The following CCBE1 variants were observed in gnomAD, a reference collection of about 807,000 sequenced individuals.
CCBE1 encodes the protein collagen and calcium-binding EGF domain-containing protein 1.
Under a neutral mutation model 50.0 loss-of-function variants are expected in CCBE1, and 37 were observed. That is an observed-to-expected ratio of 0.74 (90% CI 0.57 to 0.97). The LOEUF is 0.97. Ranked by LOEUF, CCBE1 falls within the 50% of genes least tolerant of loss-of-function variation. The pLI is 0.00. For synonymous variants in CCBE1, 234 were observed against 203.7 expected (o/e 1.15, Z -1.27); for missense variants, 538 against 523.8 (o/e 1.03, Z -0.26).
At chr18:59,660,631 T>C (rs148994473) in intron 2 of CCBE1, among the ~76,000 whole-genome samples, 3 of 152,370 alleles carry the variant, frequency 2.0e-5, no homozygotes, top group Admixed American at 6.5e-5. Flanking sequence ...GTGTGCTTTT[T>C]ACTGCTTCCC....
intron 3 of CCBE1, among the ~76,000 whole-genome samples, chr18:59,479,342 A>G (rs1306166061): frequency 6.6e-6 from 1 of 151,902 alleles, no homozygotes; most frequent in Non-Finnish European, 1.5e-5. Flanking sequence ...TTCTCCCCTC[A>G]TTTCTGAGAC....
chr18:59,464,501 G>A (rs4998986), intron 5 of CCBE1, among the ~76,000 whole-genome samples: 49,731 of 152,074 alleles, frequency 0.33, 8,331 homozygotes, highest in East Asian at 0.41. Flanking sequence ...CTGGATGATC[G>A]ACAAGCCCGT....
chr18:59,448,454 C>T (rs1358618738), intron 6 of CCBE1, among the ~76,000 whole-genome samples: 1 of 152,086 alleles, frequency 6.6e-6, no homozygotes, highest in Non-Finnish European at 1.5e-5. Flanking sequence ...TTATTGAACA[C>T]CTACTATGTG....
At chr18:59,474,198 A>G (rs893974505) in intron 3 of CCBE1, among the ~76,000 whole-genome samples, 2 of 152,234 alleles carry the variant, frequency 1.3e-5, no homozygotes, top group Non-Finnish European at 2.9e-5. Flanking sequence ...TGATGAACAT[A>G]GAAATACATG....
chr18:59,579,087 G>T (rs1052094519), intron 2 of CCBE1, among the ~76,000 whole-genome samples: 1 of 152,026 alleles, frequency 6.6e-6, no homozygotes, highest in Non-Finnish European at 1.5e-5. Flanking sequence ...TGAGTTTTGC[G>T]CTCTCAGAAT....
intron 2 of CCBE1, among the ~76,000 whole-genome samples, chr18:59,581,491 C>T (rs1287261682): frequency 6.6e-6 from 1 of 151,218 alleles, no homozygotes; most frequent in African/African-American, 2.4e-5. Context: ...GGAATAGGAG[C>T]TATGCCCAAG....
intron 2 of CCBE1, among the ~76,000 whole-genome samples, chr18:59,582,104 C>A (rs1235253283): frequency 6.6e-6 from 1 of 152,120 alleles, no homozygotes; most frequent in African/African-American, 2.4e-5. Flanking sequence ...TGCCACTGTG[C>A]CTCATAGTAG....
At chr18:59,551,379 T>C (rs1221219862) in intron 2 of CCBE1, among the ~76,000 whole-genome samples, 2 of 152,188 alleles carry the variant, frequency 1.3e-5, no homozygotes, top group Non-Finnish European at 2.9e-5. Flanking sequence ...CGGAAGAATC[T>C]CTGGATGGGT....
intron 2 of CCBE1, among the ~76,000 whole-genome samples, chr18:59,550,707 C>T (rs1397405979): frequency 6.6e-6 from 1 of 152,116 alleles, no homozygotes; most frequent in Non-Finnish European, 1.5e-5. Flanking sequence ...TTTTGGAAAA[C>T]ATTTTCCAAC....
chr18:59,686,380 C>T lies in CCBE1; in HGVS notation c.212+10249G>A, dbSNP rs140311072. Among the ~76,000 whole-genome samples the T allele has an allele frequency of 3.5e-4, 54 of 152,348 alleles. No individual in the cohort carries two copies. The Middle Eastern group carries it at 0.01, about 29-fold the overall frequency. On this transcript the variant is annotated intron_variant, in intron 2 of 10. Coordinates refer to ENST00000439986, the MANE Select transcript of CCBE1 (RefSeq NM_133459.4). ...AAGGTAACCACAATTGTCAGGCCAT[C>T]AAAAGCCCAGTGGTTGAGAAGAACA...
intron 3 of CCBE1, among the ~76,000 whole-genome samples, chr18:59,474,563 T>A (rs1208551644): frequency 6.6e-6 from 1 of 152,188 alleles, no homozygotes; most frequent in African/African-American, 2.4e-5. Context: ...GTGTGAGCAT[T>A]TACCGAAACC....
intron 2 of CCBE1, among the ~76,000 whole-genome samples, chr18:59,682,931 C>G (rs73961295): frequency 1.7e-4 from 26 of 152,202 alleles, no homozygotes; most frequent in South Asian, 6.2e-4. Context: ...TTGTGCCCCC[C>G]CTTCCCTGTA....
chr18:59,496,552 C>T (rs570216109), intron 2 of CCBE1, among the ~76,000 whole-genome samples: 2 of 152,318 alleles, frequency 1.3e-5, no homozygotes, highest in Non-Finnish European at 2.9e-5. Flanking sequence ...TGTGGTGTAA[C>T]CTCAGTCATG....
intron 2 of CCBE1, among the ~76,000 whole-genome samples, chr18:59,522,679 G>GC (rs1399585376): frequency 6.6e-6 from 1 of 152,114 alleles, no homozygotes; most frequent in Admixed American, 6.5e-5. Flanking sequence ...TCTCACAGTA[G>GC]CCCCAGCTGG....
At chr18:59,680,177 C>T (rs1027528131) in intron 2 of CCBE1, among the ~76,000 whole-genome samples, 1 of 151,476 alleles carries the variant, frequency 6.6e-6, no homozygotes, top group Non-Finnish European at 1.5e-5. Flanking sequence ...GCAGAGACTG[C>T]GCCCCTGCAC....
At chr18:59,589,847 T>C (rs2053236424) in intron 2 of CCBE1, among the ~76,000 whole-genome samples, 1 of 147,070 alleles carries the variant, frequency 6.8e-6, no homozygotes, top group Non-Finnish European at 1.5e-5. Context: ...CTTGACCAGC[T>C]AGGATGTACT....
chr18:59,595,504 A>T (rs942193535), intron 2 of CCBE1, among the ~76,000 whole-genome samples: 1 of 152,204 alleles, frequency 6.6e-6, no homozygotes. Context: ...GCTCATTGTA[A>T]ATTCAATAAA....
At chr18:59,548,166 G>C (rs1014998460) in intron 2 of CCBE1, among the ~76,000 whole-genome samples, 1 of 152,160 alleles carries the variant, frequency 6.6e-6, no homozygotes, top group Non-Finnish European at 1.5e-5. Context: ...ACTGAGGTCC[G>C]AGATCATATC....
At chr18:59,633,626 G>A (rs2053878725) in intron 2 of CCBE1, among the ~76,000 whole-genome samples, 1 of 152,062 alleles carries the variant, frequency 6.6e-6, no homozygotes, top group Admixed American at 6.6e-5. Context: ...TGACCCTAGA[G>A]GCAAAACATT....
Sources: gnomAD v4.1 joint callset for allele counts (sites outside exome capture counted in the v4.1 genomes callset) on GRCh38, gnomAD v4.1.1 for gene constraint, MANE v1.5 for transcripts, NCBI Gene and HGNC (gene_info 2026-07-23, HGNC 2026-07-21) for gene names.